PLEKHA7: variants seen among roughly 807,000 people sequenced by gnomAD.
The protein encoded by PLEKHA7 is pleckstrin homology domain-containing family A member 7.
In PLEKHA7, 104 loss-of-function variants were observed where a neutral mutation model predicts 170.0. That is an observed-to-expected ratio of 0.61 (90% confidence interval 0.52 to 0.72). PLEKHA7 has a LOEUF of 0.72. Ranked by LOEUF, PLEKHA7 falls within the 30% of genes least tolerant of loss-of-function variation. The pLI, the probability that PLEKHA7 is intolerant of heterozygous loss-of-function variation, is 0.00. For missense variants in PLEKHA7, 1,615 were observed against 1,671.7 expected (o/e 0.97, Z 0.59); for synonymous variants, 648 against 660.8 (o/e 0.98, Z 0.30).
At chr11:16,897,433 C>T (rs1169520834) in intron 3 of PLEKHA7, among the ~76,000 whole-genome samples, 1 of 152,164 alleles carries the variant, frequency 6.6e-6, no homozygotes, top group Admixed American at 6.5e-5. Context: ...CCAAAGCCAG[C>T]AAAAGAGCCT....
At chr11:16,843,326 C>A (rs1256277998) in intron 8 of PLEKHA7, among the ~76,000 whole-genome samples, 1 of 152,214 alleles carries the variant, frequency 6.6e-6, no homozygotes, top group African/African-American at 2.4e-5. Context: ...CAATGAAAAA[C>A]TAGACAATGA....
chr11:16,786,153 C>T (rs1162737910), intron 24 of PLEKHA7, 76 bp downstream of exon 24: 2 of 1,492,438 alleles, frequency 1.3e-6, no homozygotes, highest in South Asian at 1.3e-5. Flanking sequence ...TGATACCCCA[C>T]AGTGGGAAGG....
intron 3 of PLEKHA7, among the ~76,000 whole-genome samples, chr11:16,952,274 T>G (rs1861451290): frequency 1.3e-5 from 2 of 152,104 alleles, no homozygotes. Context: ...ACTGTGTGTG[T>G]TAAGGAAGTG....
intron 3 of PLEKHA7, among the ~76,000 whole-genome samples, chr11:16,889,421 ATATAT>A (rs149049640): frequency 1.2e-3 from 82 of 67,600 alleles, no homozygotes; most frequent in African/African-American, 1.2e-3. Flanking sequence ...AAAAAAAAAA[ATATAT>A]ATATATATAT....
intron 3 of PLEKHA7, among the ~76,000 whole-genome samples, chr11:16,906,220 G>GAGGAAGGA (rs1240772520): frequency 9.0e-6 from 1 of 110,758 alleles, no homozygotes; most frequent in South Asian, 3.0e-4. Flanking sequence ...AAGTTAAAAT[G>GAGGAAGGA]AGGTAGGAAG....
chr11:16,860,088 C>T (rs1853816447), intron 4 of PLEKHA7, among the ~76,000 whole-genome samples: 1 of 152,186 alleles, frequency 6.6e-6, no homozygotes. Context: ...AACCTCCTCC[C>T]ATCTGAAATG....
intron 3 of PLEKHA7, among the ~76,000 whole-genome samples, chr11:16,915,388 T>C (rs1382359246): frequency 6.6e-6 from 1 of 152,112 alleles, no homozygotes; most frequent in African/African-American, 2.4e-5. Flanking sequence ...ATACTTTAAG[T>C]TTTAGGGTAC....
intron 3 of PLEKHA7, among the ~76,000 whole-genome samples, chr11:16,907,705 C>T (rs1263360224): frequency 6.6e-5 from 9 of 136,338 alleles, no homozygotes; most frequent in African/African-American, 2.4e-4. Flanking sequence ...TCTGCCCGGC[C>T]GCCCCTACTG....
intron 3 of PLEKHA7, among the ~76,000 whole-genome samples, chr11:16,874,415 G>T (rs1252279219): frequency 6.6e-6 from 1 of 152,094 alleles, no homozygotes; most frequent in Non-Finnish European, 1.5e-5. Flanking sequence ...GCTGAGTTGG[G>T]AGGATCACCC....
intron 8 of PLEKHA7, among the ~76,000 whole-genome samples, chr11:16,847,928 C>G (rs1042200984): frequency 6.7e-6 from 1 of 149,866 alleles, no homozygotes; most frequent in Non-Finnish European, 1.5e-5. Flanking sequence ...ACAACCTGAA[C>G]AAGGGTGCAA....
chr11:16,896,056 A>C (rs1191760542), intron 3 of PLEKHA7, among the ~76,000 whole-genome samples: 1 of 152,160 alleles, frequency 6.6e-6, no homozygotes, highest in Non-Finnish European at 1.5e-5. Context: ...TTCAGGCTAA[A>C]TATCTTCCCC....
chr11:16,850,842 T>A (rs1391417338), intron 8 of PLEKHA7, among the ~76,000 whole-genome samples: 5 of 152,108 alleles, frequency 3.3e-5, no homozygotes, highest in South Asian at 4.1e-4. Context: ...ATAAACCCAC[T>A]ATGAGGGGTC....
At chr11:16,814,851 A>G (rs935269557) in intron 12 of PLEKHA7, among the ~76,000 whole-genome samples, 3 of 152,194 alleles carry the variant, frequency 2.0e-5, no homozygotes, top group Non-Finnish European at 2.9e-5. Flanking sequence ...TCCACATCCC[A>G]AGCAGTGGCC....
At chr11:16,849,759 T>A (rs1016305088) in intron 8 of PLEKHA7, among the ~76,000 whole-genome samples, 3 of 152,182 alleles carry the variant, frequency 2.0e-5, no homozygotes, top group Non-Finnish European at 4.4e-5. Flanking sequence ...GTCACATGTA[T>A]CAAAGTACTT....
intron 3 of PLEKHA7, among the ~76,000 whole-genome samples, chr11:16,872,239 G>A (rs1016653687): frequency 3.3e-5 from 5 of 151,990 alleles, no homozygotes; most frequent in African/African-American, 1.2e-4. Context: ...AAAGTGCTGG[G>A]ATTACAGGTG....
At chr11:16,925,158 G>T (rs1859417871) in intron 3 of PLEKHA7, among the ~76,000 whole-genome samples, 1 of 152,216 alleles carries the variant, frequency 6.6e-6, no homozygotes, top group African/African-American at 2.4e-5. Flanking sequence ...CCCGCAGCCC[G>T]CACGCCTGCG....
intron 3 of PLEKHA7, among the ~76,000 whole-genome samples, chr11:16,882,877 CACACACACACAG>C (rs1855813286): frequency 1.6e-5 from 2 of 126,606 alleles, no homozygotes; most frequent in Non-Finnish European, 3.6e-5. Context: ...CACACATACA[CACACACACACAG>C]AGTTCAGAGT....
intron 3 of PLEKHA7, among the ~76,000 whole-genome samples, chr11:16,871,563 G>C (rs1261042119): frequency 6.6e-6 from 1 of 152,144 alleles, no homozygotes; most frequent in African/African-American, 2.4e-5. Context: ...TGACACTTAA[G>C]ACAGCTTCCA....
chr11:16,899,207 T>C (rs189540716), intron 3 of PLEKHA7, among the ~76,000 whole-genome samples: 103 of 152,280 alleles, frequency 6.8e-4, no homozygotes, highest in African/African-American at 2.3e-3. Flanking sequence ...GACAAAACTT[T>C]TGCATATGGC....
Sources: allele counts gnomAD v4.1 joint callset (sites outside exome capture counted in the v4.1 genomes callset), GRCh38; gene constraint gnomAD v4.1.1; transcripts MANE v1.5; gene names NCBI Gene and HGNC (gene_info 2026-07-23, HGNC 2026-07-21).